IL1RAPL2: variants seen among roughly 807,000 people sequenced by gnomAD.
IL1RAPL2 encodes the protein interleukin 1 receptor accessory protein like 2, also known as X-linked interleukin-1 receptor accessory protein-like 2.
A neutral mutation model predicts 44.1 loss-of-function variants in IL1RAPL2; 3 were observed. The ratio of observed to expected loss-of-function variants is 0.07; its 90% CI spans 0.03 to 0.18. The LOEUF (loss-of-function observed/expected upper bound fraction) is 0.18. IL1RAPL2 is among the 10% of genes least tolerant of loss of function. IL1RAPL2 has a pLI of 1.00. For missense variants in IL1RAPL2, 391 were observed against 496.4 expected (o/e 0.79, Z 2.02); for synonymous variants, 181 against 178.8 (o/e 1.01, Z -0.10).
chrX:104,596,367 T>A (rs1928764491), intron 1 of IL1RAPL2, among the ~76,000 whole-genome samples: 2 of 111,514 alleles, frequency 1.8e-5, no homozygotes, highest in South Asian at 7.6e-4. Context: ...CAGAAGTGAA[T>A]GAAAATAATG....
intron 6 of IL1RAPL2, among the ~76,000 whole-genome samples, chrX:105,625,499 T>C (rs1420317948): frequency 8.9e-6 from 1 of 112,291 alleles, no homozygotes; most frequent in African/African-American, 3.2e-5. Flanking sequence ...TTAGTATGTA[T>C]GCTAACATTT....
At chrX:104,908,002 A>G (rs1303999963) in intron 2 of IL1RAPL2, among the ~76,000 whole-genome samples, 1 of 110,448 alleles carries the variant, frequency 9.1e-6, no homozygotes, top group Non-Finnish European at 1.9e-5. Context: ...TTGGGTGCAT[A>G]TATATTTAGG....
chrX:105,010,496 A>T (rs1349199035), intron 2 of IL1RAPL2, among the ~76,000 whole-genome samples: 1 of 112,058 alleles, frequency 8.9e-6, no homozygotes, highest in Non-Finnish European at 1.9e-5. Context: ...GTTTAATAGA[A>T]GAAATAGAAT....
At chrX:104,947,021 C>A (rs1925397211) in intron 2 of IL1RAPL2, among the ~76,000 whole-genome samples, 1 of 105,017 alleles carries the variant, frequency 9.5e-6, no homozygotes, top group Non-Finnish European at 2.0e-5. Context: ...AACTAGTTTA[C>A]AGTCCCACCA....
chrX:105,766,800 T>G (rs1379555761), intron 10 of IL1RAPL2, among the ~76,000 whole-genome samples, 164 bp from the exon 11 acceptor site: 1 of 91,015 alleles, frequency 1.1e-5, no homozygotes, highest in Non-Finnish European at 1.9e-5. Flanking sequence ...ATAAGCAGTT[T>G]TTTTTTTTTT....
intron 5 of IL1RAPL2, among the ~76,000 whole-genome samples, chrX:105,395,842 C>A (rs1398905804): frequency 8.9e-6 from 1 of 111,746 alleles, no homozygotes; most frequent in Non-Finnish European, 1.9e-5. Flanking sequence ...TCTAAATTAA[C>A]CTGGGAAATT....
intron 10 of IL1RAPL2, 136 bp downstream of exon 10, chrX:105,755,483 A>G (rs914104482): frequency 3.9e-5 from 16 of 405,464 alleles, no homozygotes; most frequent in Non-Finnish European, 6.3e-5. Context: ...TTTTTCCCAT[A>G]TGCCTGTGTT....
chrX:105,733,264 T>A (rs1406308225), intron 7 of IL1RAPL2, among the ~76,000 whole-genome samples: 1 of 111,831 alleles, frequency 8.9e-6, no homozygotes, highest in Admixed American at 9.5e-5. Context: ...ATAGGTGTGG[T>A]GGGTATTTCT....
At chrX:104,618,465 G>C (rs2148006896) in intron 1 of IL1RAPL2, among the ~76,000 whole-genome samples, 1 of 112,260 alleles carries the variant, frequency 8.9e-6, no homozygotes, top group South Asian at 3.8e-4. Context: ...GTATGGAGCT[G>C]AGAAACCTCC....
intron 5 of IL1RAPL2, among the ~76,000 whole-genome samples, chrX:105,389,420 G>A (rs746947572): frequency 7.2e-5 from 8 of 111,782 alleles, no homozygotes; most frequent in South Asian, 3.7e-4. Flanking sequence ...CTTAATTACC[G>A]AACGCTACTG....
intron 2 of IL1RAPL2, among the ~76,000 whole-genome samples, chrX:105,099,755 C>T (rs2032649573): frequency 9.1e-6 from 1 of 109,673 alleles, no homozygotes; most frequent in Non-Finnish European, 1.9e-5. Flanking sequence ...CGTGAGCCAC[C>T]GCGCCCGGCC....
At chrX:105,527,399 C>T (rs2036601590) in intron 6 of IL1RAPL2, among the ~76,000 whole-genome samples, 2 of 107,615 alleles carry the variant, frequency 1.9e-5, no homozygotes, top group Non-Finnish European at 3.9e-5. Flanking sequence ...TCAAAGCCTA[C>T]AGGATAAAAA....
chrX:104,654,259 A>C (rs1930209224), intron 1 of IL1RAPL2, among the ~76,000 whole-genome samples: 1 of 111,553 alleles, frequency 9.0e-6, no homozygotes, highest in African/African-American at 3.3e-5. Context: ...CCTATCACAT[A>C]AACAACTGTA....
At chrX:105,687,268 A>G (rs1364735955) in intron 6 of IL1RAPL2, among the ~76,000 whole-genome samples, 1 of 110,932 alleles carries the variant, frequency 9.0e-6, no homozygotes, top group Non-Finnish European at 1.9e-5. Flanking sequence ...AAAACCCTTC[A>G]AAAAATCAAT....
At chrX:105,436,646 A>C (rs2147753344) in intron 5 of IL1RAPL2, among the ~76,000 whole-genome samples, 1 of 111,002 alleles carries the variant, frequency 9.0e-6, no homozygotes, top group South Asian at 3.8e-4. Flanking sequence ...TGAGCAGGTT[A>C]CCAAAATCTT....
intron 2 of IL1RAPL2, among the ~76,000 whole-genome samples, chrX:105,038,720 C>A (rs889359984): frequency 1.8e-5 from 2 of 110,029 alleles, no homozygotes; most frequent in Admixed American, 9.7e-5. Flanking sequence ...TCAAGTAAGC[C>A]CTGGTGTCTG....
At chrX:105,615,597 C>A (rs1047807172) in intron 6 of IL1RAPL2, among the ~76,000 whole-genome samples, 1 of 111,875 alleles carries the variant, frequency 8.9e-6, no homozygotes, top group African/African-American at 3.2e-5. Flanking sequence ...ATTCACTTTG[C>A]ATGTGTTCAC....
At chrX:105,692,467 G>A (rs375039328) in intron 6 of IL1RAPL2, among the ~76,000 whole-genome samples, 6 of 111,537 alleles carry the variant, frequency 5.4e-5, no homozygotes, top group Admixed American at 3.8e-4. Flanking sequence ...TCCTGAAATT[G>A]TTAACTGAGG....
chrX:105,047,593 G>T (rs1180914589), intron 2 of IL1RAPL2, among the ~76,000 whole-genome samples: 2 of 110,903 alleles, frequency 1.8e-5, no homozygotes, highest in Non-Finnish European at 3.8e-5. Context: ...ATTTTAGAAG[G>T]AATTAAGTGT....
Sources: gnomAD v4.1 joint callset for allele counts (sites outside exome capture counted in the v4.1 genomes callset) on GRCh38, gnomAD v4.1.1 for gene constraint, MANE v1.5 for transcripts, NCBI Gene and HGNC (gene_info 2026-07-23, HGNC 2026-07-21) for gene names.